DLGAP1: variants seen among roughly 807,000 people sequenced by gnomAD.
The protein encoded by DLGAP1 is disks large-associated protein 1.
In DLGAP1, 11 loss-of-function variants were observed where a neutral mutation model predicts 90.8. The observed-to-expected ratio is 0.12, with a 90% CI of 0.08 to 0.20. The LOEUF is 0.20. Among genes scored for constraint, DLGAP1 ranks in the 10% least tolerant of loss-of-function variants. DLGAP1 has a pLI of 1.00. For missense variants in DLGAP1, 1,050 were observed against 1,333.8 expected, an observed-to-expected ratio of 0.79 and a Z score of 3.31; for synonymous variants, 558 against 540.7, an observed-to-expected ratio of 1.03 and a Z score of -0.44.
intron 7 of DLGAP1, among the ~76,000 whole-genome samples, chr18:3,642,876 G>C (rs2058988464): frequency 6.6e-6 from 1 of 152,154 alleles, no homozygotes; most frequent in African/African-American, 2.4e-5. Flanking sequence ...CCTTGGGAGG[G>C]GGATATGGCA....
Position 4,368,890 on chromosome 18 carries a change from C to T in DLGAP1, c.-267+86116G>A, listed in dbSNP as rs562156346. On this transcript the variant is annotated intron_variant, in intron 1 of 12. Coordinates refer to ENST00000315677, the MANE Select transcript of DLGAP1 (RefSeq NM_004746.4). ...CTGGATGGATAGATGGACAGACAGACAGGAGAGTAGAGCAAGCAATATTTC... is the reference window on the plus strand; with the variant it reads ...CTGGATGGATAGATGGACAGACAGATAGGAGAGTAGAGCAAGCAATATTTC... 5.3e-4 allele frequency among the ~76,000 whole-genome samples: 81 copies of T among 152,240 alleles called. 1 individual carries two copies. The highest frequency in any genetic ancestry group is 1.4e-3 in the African/African-American group (59 of 41,536).
rs1288159122 is a variant in DLGAP1 at position 4,084,279 on chromosome 18, T to C, written c.-159+66901A>G. Among the ~76,000 whole-genome samples, 3 of 152,186 alleles carry C rather than the reference T, an allele frequency of 2.0e-5. No individual in the cohort carries two copies. Among genetic ancestry groups the C allele is most frequent in the African/African-American group, 7.2e-5 (3 of 41,436 alleles). Reference sequence around the variant, plus strand: ...TTGAATCCTGTAGGTTTTTCTCTTTTAATTTAACTATACTAAGGATTTTCC... The same window carrying C: ...TTGAATCCTGTAGGTTTTTCTCTTTCAATTTAACTATACTAAGGATTTTCC... On this transcript the variant is annotated intron_variant, in intron 2 of 12. Coordinates refer to ENST00000315677, the MANE Select transcript of DLGAP1 (RefSeq NM_004746.4). This position sits in a 1 kb window ranked among gnomAD's most constrained non-coding sequence, Gnocchi z 4.0.
intron 2 of DLGAP1, among the ~76,000 whole-genome samples, chr18:4,090,997 A>G (rs536932720): frequency 6.6e-6 from 1 of 152,230 alleles, no homozygotes; most frequent in Admixed American, 6.5e-5. Context: ...CAAGAACAGA[A>G]AAGCAAACAC....
At chr18:3,948,574 G>T (rs565739759) in intron 3 of DLGAP1, among the ~76,000 whole-genome samples, 1 of 152,274 alleles carries the variant, frequency 6.6e-6, no homozygotes, top group East Asian at 1.9e-4. Context: ...CTATTAGGAA[G>T]AAACAACACA....
chr18:3,656,748 T>C (rs2059497830), intron 7 of DLGAP1, among the ~76,000 whole-genome samples: 1 of 152,090 alleles, frequency 6.6e-6, no homozygotes, highest in South Asian at 2.1e-4. Flanking sequence ...TTTTTTTTTT[T>C]TTGAGACAGA....
chr18:3,879,517 G>C lies in DLGAP1; in HGVS notation c.552C>G (p.Ser184Arg), dbSNP rs778727838. 1.2e-6 allele frequency: 2 copies of C among 1,602,450 alleles called. No individual in the cohort carries two copies. Among genetic ancestry groups the C allele is most frequent in the Admixed American group, 3.3e-5 (2 of 59,894 alleles). The change falls in exon 4 of 13, where the codon AGC (serine) becomes AGG (arginine). Residue 184 changes from serine (S) to arginine (R), a missense_variant. Physicochemically the swap from Ser to Arg is moderately radical, Grantham distance 110. Coordinates refer to ENST00000315677, the MANE Select transcript of DLGAP1 (RefSeq NM_004746.4). This position sits in a 1 kb window ranked among gnomAD's most constrained non-coding sequence, Gnocchi z 6.6. ...QAARYGKRSK[S>R]KERRAEPKAR... is the part of the protein sequence containing the mutation. ...CCTTGGGCTCCGCGCGCCGCTCCTTGCTCTTGCTGCGTTTGCCATAGCGCG... is the reference window on the plus strand; with the variant it reads ...CCTTGGGCTCCGCGCGCCGCTCCTTCCTCTTGCTGCGTTTGCCATAGCGCG...
intron 1 of DLGAP1, among the ~76,000 whole-genome samples, chr18:4,261,619 G>C (rs1334766771): frequency 1.3e-5 from 2 of 151,986 alleles, no homozygotes; most frequent in African/African-American, 4.8e-5. Context: ...CTGGAATCCT[G>C]TAGCATCTTA....
chr18:3,661,696 C>A (rs2059689715), intron 7 of DLGAP1, among the ~76,000 whole-genome samples: 2 of 151,838 alleles, frequency 1.3e-5, no homozygotes, highest in Non-Finnish European at 2.9e-5. Flanking sequence ...CATGCCTCAG[C>A]CTCCCACGTA....
intron 1 of DLGAP1, among the ~76,000 whole-genome samples, chr18:4,259,540 T>C (rs1475207361): frequency 6.6e-6 from 1 of 152,152 alleles, no homozygotes; most frequent in African/African-American, 2.4e-5. Context: ...TCAGCAGTTG[T>C]AGTGGCGAGG....
chr18:4,083,629 G>C (rs1200802298), intron 2 of DLGAP1, among the ~76,000 whole-genome samples: 1 of 152,166 alleles, frequency 6.6e-6, no homozygotes, highest in Non-Finnish European at 1.5e-5. Context: ...CCATTTCCTT[G>C]TTGCTGAAAG....
rs1043069952 is a variant in DLGAP1, at chr18:3,499,045, AGGTGG to A, written c.*135_*139del. ...GGGGGCCCGGGGGGCGGCTCCTGCG[AGGTGG>A]ACAACTACACCGCGACAGTGGAAGT... On this transcript the variant is annotated 3_prime_UTR_variant, in exon 13 of 13. Transcript: ENST00000315677. The surrounding 1 kb of genome is among the most constrained non-coding windows in gnomAD (Gnocchi z 6.4). 37 of 729,154 alleles carry A rather than the reference AGGTGG, an allele frequency of 5.1e-5. No individual in the cohort carries two copies. The highest frequency in any genetic ancestry group is 7.4e-5 in the Non-Finnish European group (35 of 473,856). 45.2% of individuals were successfully genotyped at this position (729,154 alleles called of 1,614,324 possible). A position where few individuals can be genotyped will look rare whatever the true frequency, so the allele number is the denominator to read the frequency against.
chr18:3,975,050 T>C (rs2149013786), intron 3 of DLGAP1, among the ~76,000 whole-genome samples: 1 of 152,274 alleles, frequency 6.6e-6, no homozygotes, highest in Admixed American at 6.5e-5. Context: ...TGGGGAGTTG[T>C]TATTTAATGG....
intron 1 of DLGAP1, among the ~76,000 whole-genome samples, chr18:4,354,924 A>AAAAAAAAAAAAAACC (rs2081475841): frequency 8.4e-6 from 1 of 118,440 alleles, no homozygotes; most frequent in Admixed American, 9.5e-5. Flanking sequence ...AAAAAAAAAA[A>AAAAAAAAAAAAAACC]TCCTCTCTAC....
intron 1 of DLGAP1, among the ~76,000 whole-genome samples, chr18:4,421,795 G>A (rs565606093): frequency 3.3e-5 from 5 of 152,140 alleles, no homozygotes; most frequent in South Asian, 2.1e-4. Context: ...TGCAACCTCC[G>A]CCTCCTAGGT....
rs1568026353 is a variant in DLGAP1 at position 3,729,087 on chromosome 18, G to A, written c.1591+48C>T. ...GGGCACAGTCTTTGGGGACAGTCGTGCCATAGCCAGCACAGGGGCCAGGCT... is the reference window on the plus strand; with the variant it reads ...GGGCACAGTCTTTGGGGACAGTCGTACCATAGCCAGCACAGGGGCCAGGCT... On this transcript the variant is annotated intron_variant, in intron 7 of 12. Coordinates refer to ENST00000315677, the MANE Select transcript of DLGAP1 (RefSeq NM_004746.4). The surrounding 1 kb of genome is among the most constrained non-coding windows in gnomAD (Gnocchi z 6.2). 2 of 1,561,640 alleles carry A rather than the reference G, an allele frequency of 1.3e-6. No homozygotes were observed. Among genetic ancestry groups the A allele is most frequent in the East Asian group, 2.3e-5 (1 of 44,288 alleles).
At chr18:4,360,786 C>T (rs1208124344) in intron 1 of DLGAP1, among the ~76,000 whole-genome samples, 1 of 152,072 alleles carries the variant, frequency 6.6e-6, no homozygotes, top group Non-Finnish European at 1.5e-5. Context: ...CGAGACCAGC[C>T]TAGCCAACAT....
intron 1 of DLGAP1, among the ~76,000 whole-genome samples, chr18:4,242,205 G>T (rs1441965208): frequency 6.6e-6 from 1 of 152,104 alleles, no homozygotes; most frequent in African/African-American, 2.4e-5. Context: ...GTTTTGGGAA[G>T]ATTATAGCTT....
intron 9 of DLGAP1, among the ~76,000 whole-genome samples, chr18:3,542,541 G>A (rs889506501): frequency 6.6e-6 from 1 of 152,118 alleles, no homozygotes; most frequent in African/African-American, 2.4e-5. Flanking sequence ...ATTTGTAAAG[G>A]CACAGATGAA....
At chr18:3,771,838 G>GAA (rs36074021) in intron 5 of DLGAP1, among the ~76,000 whole-genome samples, 15 of 138,220 alleles carry the variant, frequency 1.1e-4, no homozygotes, top group East Asian at 8.6e-4. Flanking sequence ...CCCTAGCTCT[G>GAA]AAAAAAAAAA....
Sources: gnomAD v4.1 joint callset for allele counts (sites outside exome capture counted in the v4.1 genomes callset) on GRCh38, gnomAD v4.1.1 for gene constraint, Gnocchi (gnomAD v3.1) non-coding constraint, MANE v1.5 for transcripts, NCBI Gene and HGNC (gene_info 2026-07-23, HGNC 2026-07-21) for gene names.